Variants in FBN3 observed in about 807,000 individuals in gnomAD.
FBN3 encodes fibrillin-3.
Under a neutral mutation model 330.1 loss-of-function variants are expected in FBN3, and 234 were observed. The ratio of observed to expected loss-of-function variants is 0.71; its 90% CI spans 0.64 to 0.79. The LOEUF (loss-of-function observed/expected upper bound fraction) is 0.79, where lower values mean the gene tolerates loss of function less well. FBN3 is among the 30% of genes least tolerant of loss of function. The probability of loss-of-function intolerance (pLI) is 0.00; values close to 1 mark genes in which losing one functional copy is unlikely to be tolerated. For synonymous variants in FBN3, 1,458 were observed against 1,517.3 expected (o/e 0.96, Z 0.91); for missense variants, 3,606 against 3,886.9 (o/e 0.93, Z 1.92).
intron 34 of FBN3, among the ~76,000 whole-genome samples, chr19:8,110,437 G>GCT (rs1342752681): frequency 6.6e-6 from 1 of 152,150 alleles, no homozygotes; most frequent in African/African-American, 2.4e-5. Flanking sequence ...TCCACCACCT[G>GCT]TTTGTGTCAA....
intron 6 of FBN3, among the ~76,000 whole-genome samples, chr19:8,143,195 T>C (rs1326184708): frequency 6.6e-6 from 1 of 152,072 alleles, no homozygotes; most frequent in Non-Finnish European, 1.5e-5. Context: ...CCCTTCCTTC[T>C]CTCACGGGGA....
rs773130705 is a variant in FBN3, at chr19:8,131,747, C to G, written c.1797G>C (p.Leu599=). The change falls in exon 15 of 64, where the codon CTG becomes CTC. Residue 599 remains leucine (L), a synonymous_variant. Transcript: ENST00000600128. The surrounding 1 kb of genome is among the most constrained non-coding windows in gnomAD (Gnocchi z 4.5). ...CATCCGTGCCTACCGCCAGCCCCCC[C>G]AGGCACTGGCAGCGGAAGGAGCCCT... ...NTEGSFRCQC[L]GGLAVGTDGR... 4 of 1,613,538 alleles carry G rather than the reference C, an allele frequency of 2.5e-6. No homozygotes were observed. The highest frequency in any genetic ancestry group is 3.4e-6 in the Non-Finnish European group (4 of 1,179,796).
intron 41 of FBN3, 67 bp downstream of exon 41, chr19:8,100,834 G>A (rs1200811733): frequency 8.0e-7 from 1 of 1,242,358 alleles, no homozygotes; most frequent in African/African-American, 1.5e-5. Context: ...TTGAGGAGGG[G>A]AGGGGTGGGA....
Position 8,081,106 on chromosome 19 carries a change from G to T in FBN3, c.7350C>A (p.Cys2450Ter). The T allele has an allele frequency of 1.2e-6, 2 of 1,613,554 alleles. No individual in the cohort carries two copies. Among genetic ancestry groups the T allele is most frequent in the Non-Finnish European group, 1.7e-6 (2 of 1,179,802 alleles). Residue 2450 changes from cysteine to a stop codon, truncating the protein, a stop_gained, in exon 59 of 64, where the codon TGC becomes TGA. Transcript: ENST00000600128. LOFTEE classifies it high-confidence loss of function. The part of the protein sequence containing the change: ...DGRTCKDLDE[C>*]TSRQHNCQFL... Reference sequence around the variant, plus strand: ...ACTGACAGTTGTGCTGCCGGGAGGTGCATTCGTCCAGGTCTGCAGCACGGA... The same window carrying T: ...ACTGACAGTTGTGCTGCCGGGAGGTTCATTCGTCCAGGTCTGCAGCACGGA...
At position 8,096,928 on chromosome 19, in the gene FBN3, C is replaced by G. The variant is rs1337724255; in HGVS notation, c.5366G>C (p.Cys1789Ser). The change falls in exon 43 of 64, where the codon TGC (cysteine) becomes TCC (serine). Residue 1789 changes from cysteine to serine, a missense_variant. Transcript: ENST00000600128. This position sits in a 1 kb window ranked among gnomAD's most constrained non-coding sequence, Gnocchi z 4.6. ...CAGTTTGTACCCTCGGGTGCACTTG[C>G]AGCGGTAGCTACCGGGGATGTTGAT... ...DCINIPGSYR[C>S]KCTRGYKLSP... 1 of 1,613,718 alleles carries G rather than the reference C, an allele frequency of 6.2e-7. No homozygotes were observed. The highest frequency in any genetic ancestry group is 1.1e-5 in the South Asian group (1 of 91,084).
chr19:8,145,762 T>C, intron 5 of FBN3, 81 bp downstream of exon 5: 1 of 1,031,366 alleles, frequency 9.7e-7, no homozygotes, highest in Non-Finnish European at 1.4e-6. Flanking sequence ...CCCTGGGCAG[T>C]GGGCAGGTGG....
Position 8,128,954 on chromosome 19 carries a change from G to A in FBN3, c.2296+74C>T, listed in dbSNP as rs538695646. The A allele has an allele frequency of 4.7e-5, 72 of 1,524,098 alleles. No homozygotes were observed. The Middle Eastern group carries it at 6.0e-4, about 13-fold the overall frequency. 94.4% of individuals were successfully genotyped at this position (1,524,098 alleles called of 1,614,324 possible). On this transcript the variant is annotated intron_variant, in intron 18 of 63. Transcript: ENST00000600128. ...TCTTTGAGCGTGTGCATGCCTGTGC[G>A]TGCACACGCCACATGCCAAGTATGT...
Position 8,146,225 on chromosome 19 carries a change from G to T in FBN3, c.251C>A (p.Pro84His), listed in dbSNP as rs1175115338. The change falls in exon 4 of 64, where the codon CCC (proline) becomes CAC (histidine). Residue 84 changes from proline (P) to histidine (H), a missense_variant and splice_region_variant. By Grantham distance (77) the Pro-to-His change is moderately conservative. Coordinates refer to ENST00000600128, the MANE Select transcript of FBN3 (RefSeq NM_032447.5). ...TFPGRSQCVV[P>H]ICRRACGEGF... ...TTCACCGCAGGCGCGCCTACAGATG[G>T]CTGGATGAGTGCAGCGGGTGGCAGT... 6.3e-7 allele frequency: 1 copy of T among 1,589,382 alleles called. No individual in the cohort carries two copies. Among genetic ancestry groups the T allele is most frequent in the South Asian group, 1.2e-5 (1 of 86,810 alleles).
chr19:8,100,228 G>A (rs576009055), intron 41 of FBN3, among the ~76,000 whole-genome samples: 127 of 152,142 alleles, frequency 8.3e-4, no homozygotes, highest in African/African-American at 2.9e-3. Context: ...GTTTCATGGG[G>A]ACAGAGTTTC....
rs748799431 is a variant in FBN3, at chr19:8,081,112, G to A, written c.7344C>T (p.Asp2448=). The A allele has an allele frequency of 2.2e-5, 35 of 1,613,190 alleles. No individual in the cohort carries two copies. The highest frequency in any genetic ancestry group is 1.7e-4 in the Middle Eastern group (1 of 6,014). The change falls in exon 59 of 64, where the codon GAC becomes GAT. Residue 2448 remains aspartate, a synonymous_variant. Transcript: ENST00000600128. The part of the protein sequence containing the change: ...EEDGRTCKDL[D]ECTSRQHNCQ... ...AGTTGTGCTGCCGGGAGGTGCATTC[G>A]TCCAGGTCTGCAGCACGGATGGTCC... is the stretch of plus-strand genomic sequence containing the variant.
intron 24 of FBN3, among the ~76,000 whole-genome samples, chr19:8,122,203 T>G (rs1411127522): frequency 6.6e-6 from 1 of 152,098 alleles, no homozygotes. Flanking sequence ...TTTGCAGAGA[T>G]GGAGGTCTCG....
chr19:8,101,047 C>T (rs2082317444), intron 40 of FBN3, 75 bp from the exon 41 acceptor site: 1 of 1,254,474 alleles, frequency 8.0e-7, no homozygotes, highest in African/African-American at 1.5e-5. Context: ...GGAGGGGACA[C>T]CTCATCCCTG....
In FBN3 at chr19:8,144,980, G is replaced by A. The variant is rs764626103; in HGVS notation, c.446-8C>T. 10 of 1,605,608 alleles carry A rather than the reference G, an allele frequency of 6.2e-6. No homozygotes were observed. Among genetic ancestry groups the A allele is most frequent in the Non-Finnish European group, 8.5e-6 (10 of 1,177,180 alleles). On this transcript the variant is annotated splice_polypyrimidine_tract_variant and splice_region_variant and intron_variant, in intron 5 of 63. Transcript: ENST00000600128. ...AGCCGCGGTCACAGATGGCTGTGGA[G>A]GAGAGAGGGTGATGGCTGGAGGTCC...
At position 8,121,707 on chromosome 19, in the gene FBN3, A is replaced by ATTTG. The variant is rs980260026; in HGVS notation, c.3083-325_3083-322dup. Among the ~76,000 whole-genome samples the ATTTG allele has an allele frequency of 1.3e-5, 2 of 151,754 alleles. No individual in the cohort carries two copies. The highest frequency in any genetic ancestry group is 6.6e-5 in the Admixed American group (1 of 15,226). ...TCCATTTTCTTTATTTTGATGGTAG[A>ATTTG]TTTGTTTGTTTGTTTTATTTTATTT... On this transcript the variant is annotated intron_variant, in intron 24 of 63. Coordinates refer to ENST00000600128, the MANE Select transcript of FBN3 (RefSeq NM_032447.5). The surrounding 1 kb of genome is among the most constrained non-coding windows in gnomAD (Gnocchi z 4.5).
rs1006074394 is a variant in FBN3 at position 8,148,099 on chromosome 19, T to A, written c.-17-602A>T. Reference sequence around the variant, plus strand: ...TCCAGGGTAGGAGGAAGATGGTAAGTCGTGGAAGGCAACAACCCCACTGTC... The same window carrying A: ...TCCAGGGTAGGAGGAAGATGGTAAGACGTGGAAGGCAACAACCCCACTGTC... On this transcript the variant is annotated intron_variant, in intron 1 of 63. Transcript: ENST00000600128. Among the ~76,000 whole-genome samples the A allele has an allele frequency of 3.3e-5, 5 of 151,968 alleles. No homozygotes were observed. The South Asian group carries it at 1.0e-3, about 32-fold the overall frequency.
intron 47 of FBN3, among the ~76,000 whole-genome samples, chr19:8,093,734 C>T (rs568492608): frequency 6.6e-6 from 1 of 152,256 alleles, no homozygotes; most frequent in South Asian, 2.1e-4. Flanking sequence ...TTGCAGTGAG[C>T]TGAGAGTGAG....
rs1401650473 is a variant in FBN3, at chr19:8,146,168, C to T, written c.308G>A (p.Cys103Tyr). 1.9e-6 allele frequency: 3 copies of T among 1,603,256 alleles called. No individual in the cohort carries two copies. Among genetic ancestry groups the T allele is most frequent in the Non-Finnish European group, 2.6e-6 (3 of 1,176,264 alleles). The stretch of plus-strand genomic sequence containing the variant: ...GCTGGGAGCCAGCGTCCCATCCGCA[C>T]AGGTGCACAGGTTGGGCTGGGAGCA... ...GFCSQPNLCT[C>Y]ADGTLAPSCG... The change falls in exon 4 of 64, where the codon TGT (cysteine) becomes TAT (tyrosine). Residue 103 changes from cysteine to tyrosine, a missense_variant. Cys to Tyr is a radical substitution (Grantham distance 194). Coordinates refer to ENST00000600128, the MANE Select transcript of FBN3 (RefSeq NM_032447.5).
intron 47 of FBN3, among the ~76,000 whole-genome samples, chr19:8,092,597 T>A (rs899155248): frequency 1.4e-5 from 2 of 145,900 alleles, no homozygotes; most frequent in African/African-American, 2.5e-5. Flanking sequence ...GCACCTGTAA[T>A]CCCAGCTACC....
rs1254591854 is a variant in FBN3 at position 8,131,805 on chromosome 19, C to T, written c.1739G>A (p.Gly580Asp). 1 of 1,601,218 alleles carries T rather than the reference C, an allele frequency of 6.2e-7. No homozygotes were observed. Among genetic ancestry groups the T allele is most frequent in the Non-Finnish European group, 8.5e-7 (1 of 1,170,776 alleles). Residue 580 changes from glycine to aspartate, a missense_variant, in exon 15 of 64, where the codon GGC (glycine) becomes GAC (aspartate). Transcript: ENST00000600128. This position sits in a 1 kb window ranked among gnomAD's most constrained non-coding sequence, Gnocchi z 4.5. ...GGTACAGTGGCCGTTCACGCAGATG[C>T]CGGGCGTCTGGCACTCGTCAATGTC... Reference protein sequence around the residue: ...CMDIDECQTPGICVNGHCTNT... With the variant: ...CMDIDECQTPDICVNGHCTNT...
Sources: allele counts gnomAD v4.1 joint callset (sites outside exome capture counted in the v4.1 genomes callset), GRCh38; gene constraint gnomAD v4.1.1; non-coding constraint Gnocchi (gnomAD v3.1); transcripts MANE v1.5; gene names NCBI Gene and HGNC (gene_info 2026-07-23, HGNC 2026-07-21).